SPPL2B: variants seen among roughly 807,000 people sequenced by gnomAD.
The protein encoded by SPPL2B is signal peptide peptidase-like 2B.
A neutral mutation model predicts 59.7 loss-of-function variants in SPPL2B; 39 were observed. That is an observed-to-expected ratio of 0.65 (90% confidence interval 0.51 to 0.85). The LOEUF (loss-of-function observed/expected upper bound fraction) is 0.85, where lower values mean the gene tolerates loss of function less well. Among genes scored for constraint, SPPL2B ranks in the 40% least tolerant of loss-of-function variants. The probability of loss-of-function intolerance (pLI) is 0.00; values close to 1 mark genes in which losing one functional copy is unlikely to be tolerated. For synonymous variants in SPPL2B, 419 were observed against 370.8 expected (o/e 1.13, Z -1.49); for missense variants, 865 against 849.0 (o/e 1.02, Z -0.23).
intron 7 of SPPL2B, 59 bp downstream of exon 7, chr19:2,340,231 C>T: frequency 7.5e-7 from 1 of 1,329,052 alleles, no homozygotes; most frequent in Non-Finnish European, 1.0e-6. Flanking sequence ...GCCACGGCCC[C>T]TTTGCCGCCC....
rs1273652469 is a variant in SPPL2B at position 2,353,785 on chromosome 19, G to C, written c.*576G>C. 1.3e-5 allele frequency: 2 copies of C among 154,528 alleles called. No homozygotes were observed. The highest frequency in any genetic ancestry group is 4.8e-5 in the African/African-American group (2 of 41,478). The allele number at this position is 154,528 out of a possible 1,614,324, so 9.6% of individuals were successfully genotyped here. On this transcript the variant is annotated 3_prime_UTR_variant, in exon 15 of 15. Transcript: ENST00000613503. ...CCCTGACGCTGGCTGAGACAGGCCC[G>C]TGGGGCGGGGTTTTGGGGCGTGAAC...
rs1041651379 is a variant in SPPL2B at position 2,353,294 on chromosome 19, G to A, written c.*85G>A. ...GCCCACTGGAGACAGACAGACAGAC[G>A]CCTGTCCCCCGGGACCGAGGCCTGT... On this transcript the variant is annotated 3_prime_UTR_variant, in exon 15 of 15. Coordinates refer to ENST00000613503, the MANE Select transcript of SPPL2B (RefSeq NM_152988.3). 1.9e-5 allele frequency: 28 copies of A among 1,450,530 alleles called. No homozygotes were observed. Among genetic ancestry groups the A allele is most frequent in the African/African-American group, 7.1e-5 (5 of 70,440 alleles). 89.9% of individuals were successfully genotyped at this position (1,450,530 alleles called of 1,614,324 possible). A position where few individuals can be genotyped will look rare whatever the true frequency, so the allele number is the denominator to read the frequency against.
chr19:2,331,459 C>T (rs1968289405), intron 1 of SPPL2B, among the ~76,000 whole-genome samples: 1 of 152,182 alleles, frequency 6.6e-6, no homozygotes, highest in Non-Finnish European at 1.5e-5. Context: ...TCAGGGCCCT[C>T]TTAGAGCTGT....
At chr19:2,337,010 G>A (rs923654242) in intron 2 of SPPL2B, 19 of 165,448 alleles carry the variant, frequency 1.1e-4, no homozygotes, top group African/African-American at 3.6e-4. Context: ...GTGTGTGTGC[G>A]TGTGCGTGTG....
At chr19:2,352,136 C>T (rs868820630) in intron 14 of SPPL2B, among the ~76,000 whole-genome samples, 4 of 152,006 alleles carry the variant, frequency 2.6e-5, no homozygotes, top group Non-Finnish European at 5.9e-5. Context: ...AGGGCTTACG[C>T]CACGTCGGTT....
chr19:2,351,680 AGCCAGCCCTGCG>A (rs2145211272), intron 14 of SPPL2B, 86 bp downstream of exon 14: 1 of 1,524,640 alleles, frequency 6.6e-7, no homozygotes, highest in East Asian at 2.3e-5. Flanking sequence ...CTCCAGCCAC[AGCCAGCCCTGCG>A]GCCGCGACGG....
chr19:2,349,792 ACACT>A lies in SPPL2B; in HGVS notation c.1355-1638_1355-1635del, dbSNP rs1475735084. 3.0e-4 allele frequency among the ~76,000 whole-genome samples: 43 copies of A among 142,304 alleles called. 2 individuals are homozygous for A. In the East Asian group the frequency reaches 7.4e-3, roughly 25 times the overall value. The allele number at this position is 142,304 out of a possible 152,430, so 93.4% of individuals were successfully genotyped here. A position where few individuals can be genotyped will look rare whatever the true frequency, so the allele number is the denominator to read the frequency against. On this transcript the variant is annotated intron_variant, in intron 13 of 14. Transcript: ENST00000613503. Reference sequence around the variant, plus strand: ...GCTTGATTCCGTTCTCTCTCCACACACACTCACGCGCTCTCATTCGCTTGACTCT... The same window carrying A: ...GCTTGATTCCGTTCTCTCTCCACACACACGCGCTCTCATTCGCTTGACTCT...
At chr19:2,352,079 T>C (rs12462821) in intron 14 of SPPL2B, among the ~76,000 whole-genome samples, 150,465 of 152,246 alleles carry the variant, frequency 0.99, 74,360 homozygotes, top group Middle Eastern at 1. Flanking sequence ...CTGTCCCCCT[T>C]GGCAAGGCAG....
intron 14 of SPPL2B, among the ~76,000 whole-genome samples, chr19:2,352,153 T>C (rs1233060694): frequency 2.0e-5 from 3 of 149,792 alleles, no homozygotes; most frequent in Non-Finnish European, 4.5e-5. Context: ...GGTTCTGCTC[T>C]TGTGATTTTT....
chr19:2,339,839 C>T lies in SPPL2B; in HGVS notation c.615C>T (p.His205=), dbSNP rs768024371. 8 of 1,607,002 alleles carry T rather than the reference C, an allele frequency of 5.0e-6. No individual in the cohort carries two copies. The East Asian group carries it at 1.6e-4, about 32-fold the overall frequency. Residue 205 remains histidine (H), a synonymous_variant, in exon 6 of 15, where the codon CAC becomes CAT. Transcript: ENST00000613503. ...GTCTCCCAAGAAGGTACATGAAGCA[C>T]AAGCGCGACGATGGGCCCGAGAAGC... ...SRDVKKRYMK[H]KRDDGPEKQE... is the part of the protein sequence containing the mutation.
intron 13 of SPPL2B, among the ~76,000 whole-genome samples, chr19:2,348,199 T>TTC (rs61713517): frequency 0.035 from 2,500 of 71,396 alleles, 333 homozygotes; most frequent in African/African-American, 0.15. Flanking sequence ...CTTGATTCCG[T>TTC]TCTCTCTCCA....
chr19:2,339,907 T>G lies in SPPL2B; in HGVS notation c.683T>G (p.Val228Gly). 2 of 1,577,432 alleles carry G rather than the reference T, an allele frequency of 1.3e-6. No homozygotes were observed. The highest frequency in any genetic ancestry group is 1.7e-6 in the Non-Finnish European group (2 of 1,161,576). Residue 228 changes from valine to glycine, a missense_variant, in exon 6 of 15, where the codon GTG becomes GGG. Physicochemically the swap from Val to Gly is moderately radical, Grantham distance 109. Coordinates refer to ENST00000613503, the MANE Select transcript of SPPL2B (RefSeq NM_152988.3). ...AVDVTPVMTC[V>G]FVVMCCSMLV... is the part of the protein sequence containing the mutation. ...GACGTGACGCCGGTGATGACCTGCG[T>G]GTTTGTGGTGATGTGCTGCTCCATG...
rs373935067 is a variant in SPPL2B at position 2,338,754 on chromosome 19, C to A, written c.372C>A (p.Val124=). The A allele has an allele frequency of 2.4e-5, 38 of 1,607,608 alleles. No individual in the cohort carries two copies. In the Admixed American group the frequency reaches 2.7e-4, roughly 11 times the overall value. ...GLLIVSRERL[V]PPGGNKTQYD... is the part of the protein sequence containing the mutation. ...CGCTCCCTCCTCTGGGCCCCCAGGTCCCCCCGGGGGGTAATAAGACGCAGT... is the reference window on the plus strand; with the variant it reads ...CGCTCCCTCCTCTGGGCCCCCAGGTACCCCCGGGGGGTAATAAGACGCAGT... Residue 124 remains valine (V), a splice_region_variant and synonymous_variant, in exon 4 of 15, where the codon GTC becomes GTA. Coordinates refer to ENST00000613503, the MANE Select transcript of SPPL2B (RefSeq NM_152988.3).
intron 2 of SPPL2B, chr19:2,337,200 AG>A: frequency 2.4e-6 from 1 of 416,666 alleles, no homozygotes; most frequent in Non-Finnish European, 4.3e-6. Context: ...CTCAGGTATC[AG>A]GGGACAGCCA....
At chr19:2,339,000 A>G in intron 4 of SPPL2B, 69 bp from the exon 5 acceptor site, 1 of 1,518,366 alleles carries the variant, frequency 6.6e-7, no homozygotes, top group Non-Finnish European at 8.9e-7. Flanking sequence ...CCCACAGCCC[A>G]CAGCTGCACG....
intron 10 of SPPL2B, 53 bp downstream of exon 10, chr19:2,344,092 TCG>T (rs1969218006): frequency 1.3e-6 from 1 of 783,156 alleles, no homozygotes; most frequent in African/African-American, 5.2e-5. Context: ...CCCCGCCCCC[TCG>T]CAACCCCCGC....
chr19:2,343,857 A>G, intron 9 of SPPL2B, 108 bp from the exon 10 acceptor site: 1 of 804,020 alleles, frequency 1.2e-6, no homozygotes, highest in East Asian at 2.7e-5. Context: ...CGCTCTGCTC[A>G]GGTTCCTTTA....
At chr19:2,351,400 C>T (rs1199790590) in intron 13 of SPPL2B, 34 bp from the exon 14 acceptor site, 6 of 1,547,642 alleles carry the variant, frequency 3.9e-6, no homozygotes, top group Non-Finnish European at 4.4e-6. Context: ...CCCTGGCCTG[C>T]CTGGCTGAGG....
rs1451047332 is a variant in SPPL2B, at chr19:2,353,123, A to G, written c.1693A>G (p.Met565Val). The G allele has an allele frequency of 6.2e-7, 1 of 1,610,816 alleles. No individual in the cohort carries two copies. Residue 565 changes from methionine (M) to valine (V), a missense_variant, in exon 15 of 15, where the codon ATG becomes GTG. By Grantham distance (21) the Met-to-Val change is conservative (BLOSUM62 1). Coordinates refer to ENST00000613503, the MANE Select transcript of SPPL2B (RefSeq NM_152988.3). ...CGAGGAGATGGGGGCTGGAGCCCCC[A>G]TGCGGGAGCCTGGGAGCCCAGCTGA... The part of the protein sequence containing the change: ...TSEEMGAGAP[M>V]REPGSPAESE...
Sources: gnomAD v4.1 joint callset for allele counts (sites outside exome capture counted in the v4.1 genomes callset) on GRCh38, gnomAD v4.1.1 for gene constraint, MANE v1.5 for transcripts, NCBI Gene and HGNC (gene_info 2026-07-23, HGNC 2026-07-21) for gene names.